The following SAMM50 variants were observed in gnomAD, a reference collection of about 807,000 sequenced individuals.
The protein encoded by SAMM50 is SAMM50 sorting and assembly machinery component.
A neutral mutation model predicts 66.9 loss-of-function variants in SAMM50; 47 were observed. The observed-to-expected ratio is 0.70, with a 90% CI of 0.56 to 0.90. The LOEUF (loss-of-function observed/expected upper bound fraction) is 0.90, where lower values mean the gene tolerates loss of function less well. Ranked by LOEUF, SAMM50 falls within the 40% of genes least tolerant of loss-of-function variation. The pLI is 0.00. For synonymous variants in SAMM50, 191 were observed against 214.1 expected, an observed-to-expected ratio of 0.89 and a Z score of 0.94; for missense variants, 535 against 595.3, an observed-to-expected ratio of 0.90 and a Z score of 1.05.
At chr22:43,962,540 G>A (rs1298415588) in intron 1 of SAMM50, among the ~76,000 whole-genome samples, 1 of 152,084 alleles carries the variant, frequency 6.6e-6, no homozygotes, top group Non-Finnish European at 1.5e-5. Context: ...AGATGCTTTC[G>A]AGTCCATTTT....
chr22:43,982,668 C>T (rs556824292), intron 11 of SAMM50, among the ~76,000 whole-genome samples: 1 of 152,318 alleles, frequency 6.6e-6, no homozygotes, highest in Admixed American at 6.5e-5. Context: ...CAGAGTCTTA[C>T]TCTGTCACCC....
rs1181488940 is a variant in SAMM50, at chr22:43,989,161, A to C, written c.1126A>C (p.Thr376Pro). Residue 376 changes from threonine (T) to proline (P), a missense_variant, in exon 13 of 15, where the codon ACC (threonine) becomes CCC (proline). Coordinates refer to ENST00000350028, the MANE Select transcript of SAMM50 (RefSeq NM_015380.5). ...AYWAGGLHLY[T>P]PLPFRPGQGG... Reference sequence around the variant, plus strand: ...CTGGGCCGGCGGCCTGCACCTCTACACCCCATTACCTTTCCGGCCAGGCCA... The same window carrying C: ...CTGGGCCGGCGGCCTGCACCTCTACCCCCCATTACCTTTCCGGCCAGGCCA... The C allele has an allele frequency of 1.2e-6, 2 of 1,613,776 alleles. No homozygotes were observed. Among genetic ancestry groups the C allele is most frequent in the Non-Finnish European group, 1.7e-6 (2 of 1,179,962 alleles).
At chr22:43,978,683 G>A (rs1427033509) in intron 10 of SAMM50, among the ~76,000 whole-genome samples, 1 of 151,188 alleles carries the variant, frequency 6.6e-6, no homozygotes, top group Non-Finnish European at 1.5e-5. Context: ...AGTTTCTCCT[G>A]ATTCACTCAG....
At chr22:43,988,352 T>C (rs2050304751) in intron 12 of SAMM50, 1 of 152,238 alleles carries the variant, frequency 6.6e-6, no homozygotes, top group Admixed American at 6.5e-5. Flanking sequence ...ACATCAGTAT[T>C]TTCCCATTTC....
Position 43,983,871 on chromosome 22 carries a change from C to G in SAMM50, c.1008-62C>G. 1 of 1,177,754 alleles carries G rather than the reference C, an allele frequency of 8.5e-7. No homozygotes were observed. The highest frequency in any genetic ancestry group is 1.2e-6 in the Non-Finnish European group (1 of 806,604). The allele number at this position is 1,177,754 out of a possible 1,614,324, so 73.0% of individuals were successfully genotyped here. Reference sequence around the variant, plus strand: ...TCTGACATGTGTTTCCTACGCGTTCCGTGTGTCATGTCGTTTCTCACCTCC... The same window carrying G: ...TCTGACATGTGTTTCCTACGCGTTCGGTGTGTCATGTCGTTTCTCACCTCC... On this transcript the variant is annotated intron_variant, in intron 11 of 14. Coordinates refer to ENST00000350028, the MANE Select transcript of SAMM50 (RefSeq NM_015380.5). The surrounding 1 kb of genome is among the most constrained non-coding windows in gnomAD (Gnocchi z 4.2).
chr22:43,958,538 G>A (rs2050131806), intron 1 of SAMM50, among the ~76,000 whole-genome samples: 2 of 143,864 alleles, frequency 1.4e-5, no homozygotes. Context: ...GAGTGCAGTG[G>A]CGCCATCTCG....
At chr22:43,996,187 C>G (rs761642733) in intron 14 of SAMM50, 151 bp from the exon 15 acceptor site, 10 of 799,638 alleles carry the variant, frequency 1.3e-5, no homozygotes, top group Non-Finnish European at 2.0e-5. Flanking sequence ...CAGCCGGGGC[C>G]GGTGAGGGTG....
Position 43,976,943 on chromosome 22 carries a change from C to G in SAMM50, c.849+122C>G. 4.8e-6 allele frequency: 3 copies of G among 622,274 alleles called. No homozygotes were observed. In the South Asian group the frequency reaches 6.1e-5, roughly 13 times the overall value. 38.5% of individuals were successfully genotyped at this position (622,274 alleles called of 1,614,324 possible). On this transcript the variant is annotated intron_variant, in intron 9 of 14. Coordinates refer to ENST00000350028, the MANE Select transcript of SAMM50 (RefSeq NM_015380.5). ...CAGTCCCACAGAGTAATCGCACATG[C>G]AGTATCGCTTTTGAAGGTCGCCAGC...
chr22:43,959,394 C>T (rs1251424090), intron 1 of SAMM50, among the ~76,000 whole-genome samples: 1 of 152,012 alleles, frequency 6.6e-6, no homozygotes, highest in African/African-American at 2.4e-5. Flanking sequence ...ATTTCATGTC[C>T]CATACCCGCT....
intron 14 of SAMM50, among the ~76,000 whole-genome samples, chr22:43,993,371 C>T (rs754960022): frequency 2.6e-5 from 4 of 152,246 alleles, no homozygotes; most frequent in African/African-American, 9.6e-5. Context: ...GAGAAGTCAA[C>T]GCGGCTTTTA....
intron 14 of SAMM50, chr22:43,996,114 C>T (rs1294991254): frequency 6.1e-6 from 4 of 658,354 alleles, no homozygotes; most frequent in African/African-American, 3.6e-5. Flanking sequence ...CTCCTTCTTT[C>T]CCTTTTCCAT....
At chr22:43,962,881 A>ATTTTTGTTTTTTTTTTTTTTTTTT (rs2050153563) in intron 1 of SAMM50, among the ~76,000 whole-genome samples, 1 of 65,506 alleles carries the variant, frequency 1.5e-5, no homozygotes, top group Non-Finnish European at 2.7e-5. Flanking sequence ...CTTTTGGTTA[A>ATTTTTGTTTTTTTTTTTTTTTTTT]TTTTTTTTTT....
chr22:43,956,452 C>A (rs1421087151), intron 1 of SAMM50, among the ~76,000 whole-genome samples: 2 of 152,212 alleles, frequency 1.3e-5, no homozygotes, highest in African/African-American at 4.8e-5. Context: ...GACTTAACTT[C>A]CCTTTATATG....
At chr22:43,971,081 T>C (rs112801648) in intron 4 of SAMM50, among the ~76,000 whole-genome samples, 3 of 151,964 alleles carry the variant, frequency 2.0e-5, no homozygotes, top group Non-Finnish European at 4.4e-5. Context: ...GGCAGGAGAA[T>C]TGCTTGAACC....
At chr22:43,957,390 G>GAA in intron 1 of SAMM50, 95 of 373,380 alleles carry the variant, frequency 2.5e-4, no homozygotes, top group Middle Eastern at 8.5e-4. Context: ...TTGTGCTCTT[G>GAA]AAAAAAAAAA....
At chr22:43,973,862 C>T (rs933846170) in intron 7 of SAMM50, among the ~76,000 whole-genome samples, 11 of 152,158 alleles carry the variant, frequency 7.2e-5, no homozygotes, top group African/African-American at 2.7e-4. Context: ...ATCTGCCCGT[C>T]TCAGCCTCCC....
rs748103704 is a variant in SAMM50, at chr22:43,955,548, C to T, written c.-30C>T. The stretch of plus-strand genomic sequence containing the variant: ...CAGACGCTCTGTCCCGCCCGGGCAG[C>T]TCTGCGAGGCAGCGGCTGGAGAGGG... On this transcript the variant is annotated 5_prime_UTR_variant, in exon 1 of 15. Coordinates refer to ENST00000350028, the MANE Select transcript of SAMM50 (RefSeq NM_015380.5). 1.2e-5 allele frequency: 19 copies of T among 1,595,786 alleles called. No homozygotes were observed. Among genetic ancestry groups the T allele is most frequent in the South Asian group, 2.3e-5 (2 of 88,166 alleles).
chr22:43,962,309 G>A (rs1453061896), intron 1 of SAMM50, among the ~76,000 whole-genome samples: 2 of 152,104 alleles, frequency 1.3e-5, no homozygotes, highest in African/African-American at 4.8e-5. Flanking sequence ...CCTCCTGAAC[G>A]CATATCACTT....
At chr22:43,977,591 G>A (rs1202291978) in intron 9 of SAMM50, among the ~76,000 whole-genome samples, 1 of 152,164 alleles carries the variant, frequency 6.6e-6, no homozygotes. Flanking sequence ...GAGCCAAGCC[G>A]TCTGTGCTGA....
Sources: allele counts gnomAD v4.1 joint callset (sites outside exome capture counted in the v4.1 genomes callset), GRCh38; gene constraint gnomAD v4.1.1; non-coding constraint Gnocchi (gnomAD v3.1); transcripts MANE v1.5; gene names NCBI Gene and HGNC (gene_info 2026-07-23, HGNC 2026-07-21).